Variants in GALNTL6 observed in about 807,000 individuals in gnomAD.
The protein encoded by GALNTL6 is polypeptide N-acetylgalactosaminyltransferase like 6.
In GALNTL6, 46 loss-of-function variants were observed where a neutral mutation model predicts 73.7. The ratio of observed to expected loss-of-function variants is 0.62; its 90% CI spans 0.49 to 0.80. The LOEUF (loss-of-function observed/expected upper bound fraction) is 0.80. GALNTL6 is among the 30% of genes least tolerant of loss of function. The pLI is 0.00. For missense variants in GALNTL6, 604 were observed against 755.0 expected (o/e 0.80, Z 2.34); for synonymous variants, 259 against 263.7 (o/e 0.98, Z 0.17).
chr4:172,840,453 G>A lies in GALNTL6; in HGVS notation c.923+26730G>A, dbSNP rs139412990. ...TTCTCATATTAGGACAAGCAAATCT[G>A]GATAATTCTCTTCTATCATTGCTAA... On this transcript the variant is annotated intron_variant, in intron 7 of 12. Transcript: ENST00000506823. Among the ~76,000 whole-genome samples, 878 of 152,202 alleles carry A rather than the reference G, an allele frequency of 5.8e-3. 5 individuals carry two copies. Among genetic ancestry groups the A allele is most frequent in the Middle Eastern group, 6.8e-3 (2 of 292 alleles).
chr4:172,072,947 A>G (rs753418423), intron 2 of GALNTL6, among the ~76,000 whole-genome samples: 3 of 152,142 alleles, frequency 2.0e-5, no homozygotes, highest in Non-Finnish European at 4.4e-5. Context: ...ATGATCCTTC[A>G]TATGTGGCCT....
rs1579292156 is a variant in GALNTL6 at position 172,242,011 on chromosome 4, T to TCA, written c.247+12247_247+12248insCA. Among the ~76,000 whole-genome samples, 24 of 152,318 alleles carry TCA rather than the reference T, an allele frequency of 1.6e-4. No individual in the cohort carries two copies. The East Asian group carries it at 4.6e-3, about 29-fold the overall frequency. On this transcript the variant is annotated intron_variant, in intron 3 of 12. Transcript: ENST00000506823. ...CTTTAATACAGTATAAAAGAGAATG[T>TCA]ACATTTTGATATTGATTCATTATTC...
chr4:173,010,192 C>T (rs1242599816), intron 11 of GALNTL6, among the ~76,000 whole-genome samples: 3 of 152,166 alleles, frequency 2.0e-5, no homozygotes, highest in Non-Finnish European at 1.5e-5. Flanking sequence ...GGTAACCATC[C>T]TTCTACTATC....
chr4:172,198,868 A>C (rs1579244461), intron 2 of GALNTL6, among the ~76,000 whole-genome samples: 1 of 152,236 alleles, frequency 6.6e-6, no homozygotes, highest in East Asian at 1.9e-4. Context: ...TATAATTCCC[A>C]AAATGTATTT....
At position 172,726,852 on chromosome 4, in the gene GALNTL6, T is replaced by C. The variant is rs17058814; in HGVS notation, c.554-82509T>C. On this transcript the variant is annotated intron_variant, in intron 5 of 12. Coordinates refer to ENST00000506823, the MANE Select transcript of GALNTL6 (RefSeq NM_001034845.3). ...GTGTATGAGGTCCCTATTCTCTCTCTAATAGTCCCTGCTTCTGTGAGCTTA... is the reference window on the plus strand; with the variant it reads ...GTGTATGAGGTCCCTATTCTCTCTCCAATAGTCCCTGCTTCTGTGAGCTTA... Among the ~76,000 whole-genome samples, 756 of 152,290 alleles carry C rather than the reference T, an allele frequency of 5.0e-3. 5 individuals carry two copies. Among genetic ancestry groups the C allele is most frequent in the African/African-American group, 0.017 (725 of 41,566 alleles).
At chr4:172,882,177 C>A (rs1745490070) in intron 7 of GALNTL6, among the ~76,000 whole-genome samples, 1 of 152,064 alleles carries the variant, frequency 6.6e-6, no homozygotes, top group African/African-American at 2.4e-5. Context: ...ATTAATATTT[C>A]TTAGGCAGAG....
intron 2 of GALNTL6, among the ~76,000 whole-genome samples, chr4:171,864,183 C>G (rs1289729793): frequency 6.6e-6 from 1 of 152,066 alleles, no homozygotes; most frequent in Non-Finnish European, 1.5e-5. Flanking sequence ...TCTTGTAATC[C>G]TACTTAATAT....
intron 5 of GALNTL6, among the ~76,000 whole-genome samples, chr4:172,423,886 G>T (rs1297875127): frequency 6.6e-6 from 1 of 151,990 alleles, no homozygotes; most frequent in Non-Finnish European, 1.5e-5. Context: ...AAAAAGCAAA[G>T]CAAAACTATA....
rs149072483 is a variant in GALNTL6 at position 171,952,607 on chromosome 4, T to C, written c.138+137889T>C. Among the ~76,000 whole-genome samples, 7 of 152,150 alleles carry C rather than the reference T, an allele frequency of 4.6e-5. No homozygotes were observed. The East Asian group carries it at 7.7e-4, about 17-fold the overall frequency. ...TTCAAATTGAAGTAGCAAAATTACA[T>C]GATCATTTCAATGGAAAGAAAAAAC... On this transcript the variant is annotated intron_variant, in intron 2 of 12. Coordinates refer to ENST00000506823, the MANE Select transcript of GALNTL6 (RefSeq NM_001034845.3).
intron 3 of GALNTL6, among the ~76,000 whole-genome samples, chr4:172,306,816 G>A (rs1740157374): frequency 6.6e-6 from 1 of 152,176 alleles, no homozygotes; most frequent in Non-Finnish European, 1.5e-5. Context: ...TGGCTGAGTA[G>A]TATTCCATGG....
At chr4:172,312,833 G>A (rs957987702) in intron 4 of GALNTL6, among the ~76,000 whole-genome samples, 21 of 152,008 alleles carry the variant, frequency 1.4e-4, no homozygotes, top group African/African-American at 5.1e-4. Context: ...TTCTCCTCAT[G>A]TTTTATATGA....
chr4:172,444,740 A>G (rs1279223665), intron 5 of GALNTL6, among the ~76,000 whole-genome samples: 2 of 152,158 alleles, frequency 1.3e-5, no homozygotes, highest in Non-Finnish European at 2.9e-5. Flanking sequence ...TGAGCTAGAG[A>G]AATTAGGCAG....
intron 5 of GALNTL6, among the ~76,000 whole-genome samples, chr4:172,603,875 A>C (rs1025814114): frequency 6.6e-6 from 1 of 152,172 alleles, no homozygotes; most frequent in Non-Finnish European, 1.5e-5. Flanking sequence ...AACATGAATA[A>C]AGTTAAGAGG....
At chr4:172,398,534 A>G (rs935101908) in intron 5 of GALNTL6, among the ~76,000 whole-genome samples, 7 of 152,184 alleles carry the variant, frequency 4.6e-5, no homozygotes, top group Admixed American at 1.3e-4. Context: ...TAGCTTTGCA[A>G]TCGTTTATTG....
intron 2 of GALNTL6, among the ~76,000 whole-genome samples, chr4:172,204,580 A>G (rs570749225): frequency 6.6e-6 from 1 of 152,264 alleles, no homozygotes; most frequent in African/African-American, 2.4e-5. Flanking sequence ...TGTATTCTAT[A>G]ATTATTAAGG....
At chr4:172,206,524 AATG>A (rs1398758776) in intron 2 of GALNTL6, among the ~76,000 whole-genome samples, 2 of 152,310 alleles carry the variant, frequency 1.3e-5, no homozygotes, top group East Asian at 1.9e-4. Context: ...TGTTTCAGAT[AATG>A]ATAAGTGATA....
Position 172,712,862 on chromosome 4 carries a change from A to G in GALNTL6, c.554-96499A>G, listed in dbSNP as rs573026272. 5.9e-5 allele frequency among the ~76,000 whole-genome samples: 9 copies of G among 152,348 alleles called. 1 individual carries two copies. The highest frequency in any genetic ancestry group is 2.2e-4 in the African/African-American group (9 of 41,590). ...CACTGACATATAAAGTTGAGAACATAGATTTTGAGGCTGAACATAATGAGT... is the reference window on the plus strand; with the variant it reads ...CACTGACATATAAAGTTGAGAACATGGATTTTGAGGCTGAACATAATGAGT... On this transcript the variant is annotated intron_variant, in intron 5 of 12. Coordinates refer to ENST00000506823, the MANE Select transcript of GALNTL6 (RefSeq NM_001034845.3).
intron 3 of GALNTL6, among the ~76,000 whole-genome samples, chr4:172,272,608 A>G (rs1278023674): frequency 6.6e-6 from 1 of 152,108 alleles, no homozygotes; most frequent in Non-Finnish European, 1.5e-5. Flanking sequence ...GGTAGTCCAA[A>G]ATGGTTTGTG....
chr4:172,585,326 T>C (rs894597405), intron 5 of GALNTL6, among the ~76,000 whole-genome samples: 6 of 152,156 alleles, frequency 3.9e-5, no homozygotes, highest in African/African-American at 1.4e-4. Flanking sequence ...GCCATGGTGG[T>C]TTGCTGCACC....
Sources: allele counts gnomAD v4.1 joint callset (sites outside exome capture counted in the v4.1 genomes callset), GRCh38; gene constraint gnomAD v4.1.1; transcripts MANE v1.5; gene names NCBI Gene and HGNC (gene_info 2026-07-23, HGNC 2026-07-21).